FNDC3A: variants seen among roughly 807,000 people sequenced by gnomAD.
The protein encoded by FNDC3A is fibronectin type III domain containing 3A.
FNDC3A carries 32 observed loss-of-function variants against 148.9 expected under a neutral mutation model. The ratio of observed to expected loss-of-function variants is 0.21; its 90% CI spans 0.16 to 0.29. The LOEUF (loss-of-function observed/expected upper bound fraction) is 0.29, where lower values mean the gene tolerates loss of function less well. Ranked by LOEUF, FNDC3A falls within the 10% of genes least tolerant of loss-of-function variation. The probability of loss-of-function intolerance (pLI) is 1.00; values close to 1 mark genes in which losing one functional copy is unlikely to be tolerated. For synonymous variants in FNDC3A, 472 were observed against 473.6 expected (o/e 1.00, Z 0.04); for missense variants, 1,191 against 1,452.8 (o/e 0.82, Z 2.93).
At chr13:49,124,485 TA>T (rs575210570) in intron 4 of FNDC3A, among the ~76,000 whole-genome samples, 247 of 140,234 alleles carry the variant, frequency 1.8e-3, no homozygotes, top group Middle Eastern at 3.6e-3. Context: ...GAACTTTAAT[TA>T]AAAAAAAAAA....
At chr13:49,186,660 G>T (rs569178405) in intron 15 of FNDC3A, among the ~76,000 whole-genome samples, 7 of 152,336 alleles carry the variant, frequency 4.6e-5, no homozygotes, top group African/African-American at 1.7e-4. Context: ...ATGAGGTCAG[G>T]AGTTCGAGAC....
chr13:49,175,959 T>G (rs922230348), intron 13 of FNDC3A, among the ~76,000 whole-genome samples: 4 of 152,212 alleles, frequency 2.6e-5, no homozygotes, highest in Non-Finnish European at 5.9e-5. Flanking sequence ...GATAATCATG[T>G]GGTTTTTGTC....
intron 2 of FNDC3A, among the ~76,000 whole-genome samples, chr13:49,034,522 C>G (rs900009661): frequency 6.6e-6 from 1 of 151,924 alleles, no homozygotes; most frequent in Non-Finnish European, 1.5e-5. Flanking sequence ...TTGACTTGAT[C>G]CTATTACGTT....
At chr13:49,127,756 TC>T (rs1480311635) in intron 4 of FNDC3A, among the ~76,000 whole-genome samples, 2 of 152,134 alleles carry the variant, frequency 1.3e-5, no homozygotes, top group Admixed American at 1.3e-4. Context: ...CCAAATCTCT[TC>T]CCCTGAAAAA....
At chr13:49,143,716 T>G (rs144165804) in intron 7 of FNDC3A, among the ~76,000 whole-genome samples, 32 of 152,284 alleles carry the variant, frequency 2.1e-4, no homozygotes, top group African/African-American at 6.0e-4. Flanking sequence ...CTCATTTTGT[T>G]GATGAGGCCT....
chr13:48,993,826 C>T (rs1257319449), intron 1 of FNDC3A, among the ~76,000 whole-genome samples: 1 of 152,152 alleles, frequency 6.6e-6, no homozygotes, highest in Non-Finnish European at 1.5e-5. Flanking sequence ...TAAAATCCTT[C>T]CATGACTCCT....
intron 4 of FNDC3A, among the ~76,000 whole-genome samples, chr13:49,124,143 A>G (rs181441948): frequency 2.0e-5 from 3 of 152,346 alleles, no homozygotes; most frequent in Admixed American, 2.0e-4. Flanking sequence ...CATATACACC[A>G]TGGAATAGTG....
intron 8 of FNDC3A, among the ~76,000 whole-genome samples, chr13:49,159,487 G>A (rs1883948760): frequency 6.6e-6 from 1 of 152,202 alleles, no homozygotes; most frequent in Non-Finnish European, 1.5e-5. Flanking sequence ...AGACTTTGCT[G>A]AAGTTGCTTA....
chr13:49,132,757 C>T (rs372283901), intron 5 of FNDC3A, among the ~76,000 whole-genome samples: 8 of 152,322 alleles, frequency 5.3e-5, no homozygotes, highest in African/African-American at 1.9e-4. Flanking sequence ...ATGGTGTTCT[C>T]TCTGCCTTTT....
At chr13:49,115,198 T>TATA (rs1880867945) in intron 4 of FNDC3A, among the ~76,000 whole-genome samples, 1 of 140,344 alleles carries the variant, frequency 7.1e-6, no homozygotes, top group South Asian at 2.2e-4. Flanking sequence ...GGGGGGGAAA[T>TATA]AAAAAAAAAA....
upstream of FNDC3A, chr13:48,975,734 G>A (rs1442444052): frequency 6.6e-6 from 1 of 152,146 alleles, no homozygotes; most frequent in Non-Finnish European, 1.5e-5. Context: ...GGGTGTGGGC[G>A]CTCCGGGAGC....
chr13:49,103,553 A>G (rs1879987444), intron 3 of FNDC3A, among the ~76,000 whole-genome samples: 1 of 152,210 alleles, frequency 6.6e-6, no homozygotes. Flanking sequence ...AGTGTGAGAG[A>G]TGTATCAATT....
At chr13:49,082,572 T>A (rs1878548655) in intron 3 of FNDC3A, among the ~76,000 whole-genome samples, 1 of 152,142 alleles carries the variant, frequency 6.6e-6, no homozygotes, top group Non-Finnish European at 1.5e-5. Context: ...CTCATTCCTT[T>A]TCCTTCCTAA....
At chr13:49,134,289 T>C (rs1251799736) in intron 5 of FNDC3A, among the ~76,000 whole-genome samples, 1 of 152,236 alleles carries the variant, frequency 6.6e-6, no homozygotes, top group Non-Finnish European at 1.5e-5. Flanking sequence ...TTCATTAAAA[T>C]GTTCATACAG....
chr13:49,162,549 C>G (rs767716524), intron 8 of FNDC3A, among the ~76,000 whole-genome samples: 9 of 152,144 alleles, frequency 5.9e-5, no homozygotes, highest in Non-Finnish European at 1.3e-4. Flanking sequence ...GTGACGGGTT[C>G]AAACATCTTC....
At chr13:49,205,603 C>T (rs1314167717) in intron 25 of FNDC3A, among the ~76,000 whole-genome samples, 1 of 151,928 alleles carries the variant, frequency 6.6e-6, no homozygotes, top group Non-Finnish European at 1.5e-5. Context: ...ATTCCAAAAT[C>T]AAAAAAATTG....
chr13:49,093,205 C>T (rs1311958375), intron 3 of FNDC3A, among the ~76,000 whole-genome samples: 2 of 152,214 alleles, frequency 1.3e-5, no homozygotes, highest in Admixed American at 6.5e-5. Context: ...CATTCCCCTC[C>T]GCTCTCCTCC....
At chr13:49,185,782 C>A (rs930045300) in intron 14 of FNDC3A, among the ~76,000 whole-genome samples, 182 bp from the exon 15 acceptor site, 3 of 152,194 alleles carry the variant, frequency 2.0e-5, no homozygotes, top group Non-Finnish European at 4.4e-5. Flanking sequence ...CAGTTGCATA[C>A]TCTTCATATA....
At position 49,136,376 on chromosome 13, in the gene FNDC3A, T is replaced by A; in HGVS notation, c.535T>A (p.Ser179Thr). 2 of 1,614,124 alleles carry A rather than the reference T, an allele frequency of 1.2e-6. No individual in the cohort carries two copies. The highest frequency in any genetic ancestry group is 1.7e-6 in the Non-Finnish European group (2 of 1,179,998). ...HGRSNFRDER[S>T]SKTYERLQKK... ...AAGGTCCAACTTTAGAGATGAACGA[T>A]CTAGTAAAACATATGAACGTTTGCA... The change falls in exon 6 of 26, where the codon TCT (serine) becomes ACT (threonine). Residue 179 changes from serine (S) to threonine (T), a missense_variant. By Grantham distance (58) the Ser-to-Thr change is moderately conservative. Coordinates refer to ENST00000492622, the MANE Select transcript of FNDC3A (RefSeq NM_001079673.2).
Sources: gnomAD v4.1 joint callset for allele counts (sites outside exome capture counted in the v4.1 genomes callset) on GRCh38, gnomAD v4.1.1 for gene constraint, MANE v1.5 for transcripts, NCBI Gene and HGNC (gene_info 2026-07-23, HGNC 2026-07-21) for gene names.